The following TBC1D8 variants were observed in gnomAD, a reference collection of about 807,000 sequenced individuals.
TBC1D8 encodes TBC1 domain family member 8.
A neutral mutation model predicts 118.8 loss-of-function variants in TBC1D8; 65 were observed. The observed-to-expected ratio is 0.55, with a 90% confidence interval of 0.45 to 0.67. The LOEUF is 0.67. Among genes scored for constraint, TBC1D8 ranks in the 30% least tolerant of loss-of-function variants. TBC1D8 has a pLI of 0.00. For missense variants in TBC1D8, 1,376 were observed against 1,471.2 expected (o/e 0.94, Z 1.06); for synonymous variants, 566 against 595.8 (o/e 0.95, Z 0.73).
intron 1 of TBC1D8, among the ~76,000 whole-genome samples, chr2:101,113,137 A>C (rs1677680375): frequency 6.6e-6 from 1 of 152,196 alleles, no homozygotes; most frequent in Admixed American, 6.5e-5. Flanking sequence ...ATCTTTCCCA[A>C]AAACCTTCCC....
At chr2:101,008,603 T>G (rs972788632) in intron 19 of TBC1D8, among the ~76,000 whole-genome samples, 7 of 150,818 alleles carry the variant, frequency 4.6e-5, no homozygotes, top group Non-Finnish European at 7.4e-5. Flanking sequence ...TCACCTGAGG[T>G]TGGGAGTCAG....
At chr2:101,054,493 CG>C in intron 3 of TBC1D8, among the ~76,000 whole-genome samples, 157 bp from the exon 4 acceptor site, 1 of 151,154 alleles carries the variant, frequency 6.6e-6, no homozygotes, top group Middle Eastern at 3.4e-3. Flanking sequence ...ATGGCTCAGC[CG>C]TGTCATCCGT....
intron 12 of TBC1D8, among the ~76,000 whole-genome samples, chr2:101,028,728 T>C (rs1680499715): frequency 6.6e-6 from 1 of 152,270 alleles, no homozygotes; most frequent in South Asian, 2.1e-4. Flanking sequence ...GAGAACCCCC[T>C]CTTTCAATGT....
At chr2:101,074,072 C>T (rs766776317) in intron 2 of TBC1D8, among the ~76,000 whole-genome samples, 1 of 152,212 alleles carries the variant, frequency 6.6e-6, no homozygotes, top group Middle Eastern at 3.2e-3. Context: ...TTTTGATATG[C>T]CTTTCTCATT....
chr2:101,068,029 C>T (rs28693458), intron 2 of TBC1D8, among the ~76,000 whole-genome samples: 19,517 of 152,162 alleles, frequency 0.13, 1,417 homozygotes, highest in Non-Finnish European at 0.16. Flanking sequence ...ACTCCTCATT[C>T]GTTCAAGTTT....
At chr2:101,129,808 G>A (rs1250421675) in intron 1 of TBC1D8, among the ~76,000 whole-genome samples, 2 of 151,974 alleles carry the variant, frequency 1.3e-5, no homozygotes, top group African/African-American at 4.8e-5. Context: ...AGGAGACTGA[G>A]GCAGGAGAAT....
chr2:101,068,538 C>A (rs1683138809), intron 2 of TBC1D8: 2 of 522,748 alleles, frequency 3.8e-6, no homozygotes, highest in Non-Finnish European at 7.0e-6. Context: ...GTATGTAAAC[C>A]CAAACTTTTA....
intron 1 of TBC1D8, among the ~76,000 whole-genome samples, chr2:101,118,603 A>T (rs989104364): frequency 6.6e-6 from 1 of 151,036 alleles, no homozygotes; most frequent in Non-Finnish European, 1.5e-5. Context: ...AGGTTGAGGC[A>T]GGAGAATGGC....
chr2:101,027,379 G>T lies in TBC1D8; in HGVS notation c.2520+4C>A, dbSNP rs147475714. Reference sequence around the variant, plus strand: ...GAACCCCTCATCTTCCCAGAGCTGCGTACCTTGAATAAGTCGTAGAGCTCC... The same window carrying T: ...GAACCCCTCATCTTCCCAGAGCTGCTTACCTTGAATAAGTCGTAGAGCTCC... On this transcript the variant is annotated splice_donor_region_variant and intron_variant, in intron 15 of 19. Coordinates refer to ENST00000409318, the MANE Select transcript of TBC1D8 (RefSeq NM_001330348.2). 1 of 1,612,556 alleles carries T rather than the reference G, an allele frequency of 6.2e-7. No homozygotes were observed. The highest frequency in any genetic ancestry group is 8.5e-7 in the Non-Finnish European group (1 of 1,178,822).
intron 2 of TBC1D8, among the ~76,000 whole-genome samples, chr2:101,087,821 G>A (rs900887316): frequency 2.0e-5 from 3 of 152,086 alleles, no homozygotes; most frequent in Non-Finnish European, 2.9e-5. Context: ...AAGCAGGGAG[G>A]AGAATAAGAA....
Position 101,022,453 on chromosome 2 carries a change from C to G in TBC1D8, c.2589G>C (p.Arg863=). The change falls in exon 16 of 20, where the codon CGG becomes CGC. Residue 863 remains arginine (R), a synonymous_variant. Coordinates refer to ENST00000409318, the MANE Select transcript of TBC1D8 (RefSeq NM_001330348.2). ...RPMASRHDPS[R]PYAEQYRIDA... ...CTATGCGGTACTGCTCAGCATAGGG[C>G]CGGCTGGGGTCGTGGCGTGAGGCCA... 1.2e-6 allele frequency: 2 copies of G among 1,610,186 alleles called. No individual in the cohort carries two copies. The highest frequency in any genetic ancestry group is 4.5e-5 in the East Asian group (2 of 44,852).
At chr2:101,009,614 A>G (rs1679037378) in intron 19 of TBC1D8, among the ~76,000 whole-genome samples, 1 of 152,080 alleles carries the variant, frequency 6.6e-6, no homozygotes, top group African/African-American at 2.4e-5. Flanking sequence ...CATTTTGATC[A>G]TATATCCAGA....
chr2:101,048,740 T>TA (rs35930111), intron 5 of TBC1D8, among the ~76,000 whole-genome samples: 2,062 of 132,186 alleles, frequency 0.016, 39 homozygotes, highest in African/African-American at 0.059. Flanking sequence ...TAAGTCTTTT[T>TA]AAAAAAAAAA....
chr2:101,053,657 C>T (rs1682205795), intron 4 of TBC1D8, among the ~76,000 whole-genome samples: 1 of 152,164 alleles, frequency 6.6e-6, no homozygotes, highest in Non-Finnish European at 1.5e-5. Context: ...TGAATCAGTG[C>T]ATGAATCTCA....
chr2:101,072,687 T>C (rs1256565637), intron 2 of TBC1D8, among the ~76,000 whole-genome samples: 1 of 152,134 alleles, frequency 6.6e-6, no homozygotes, highest in Admixed American at 6.5e-5. Context: ...CACACTCCTA[T>C]GAGAGTCTAA....
At chr2:101,039,568 A>G (rs1681250613) in intron 6 of TBC1D8, among the ~76,000 whole-genome samples, 1 of 152,236 alleles carries the variant, frequency 6.6e-6, no homozygotes, top group South Asian at 2.1e-4. Context: ...TGTGGGTACC[A>G]TCTCACCAGA....
intron 2 of TBC1D8, among the ~76,000 whole-genome samples, chr2:101,086,262 C>A (rs1433347152): frequency 6.6e-6 from 1 of 151,166 alleles, no homozygotes; most frequent in Non-Finnish European, 1.5e-5. Flanking sequence ...ATGGAGAACA[C>A]AGATGAAAAA....
At position 101,148,739 on chromosome 2, in the gene TBC1D8, C is replaced by G. The variant is rs1679423261; in HGVS notation, c.127+2388G>C. Among the ~76,000 whole-genome samples, 3 of 152,122 alleles carry G rather than the reference C, an allele frequency of 2.0e-5. 1 individual carries two copies. In the South Asian group the frequency reaches 6.2e-4, roughly 32 times the overall value. On this transcript the variant is annotated intron_variant, in intron 1 of 19. Coordinates refer to ENST00000409318, the MANE Select transcript of TBC1D8 (RefSeq NM_001330348.2). ...TGCTCTCTTACATTTTACTTCCAATCCCCCTTAGGCCACCACTGCTTGCTT... is the reference window on the plus strand; with the variant it reads ...TGCTCTCTTACATTTTACTTCCAATGCCCCTTAGGCCACCACTGCTTGCTT...
rs963293754 is a variant in TBC1D8 at position 101,096,459 on chromosome 2, G to T, written c.128-6095C>A. 2.4e-5 allele frequency among the ~76,000 whole-genome samples: 3 copies of T among 125,018 alleles called. 1 individual carries two copies. The highest frequency in any genetic ancestry group is 5.0e-5 in the Non-Finnish European group (3 of 60,520). 82.0% of individuals were successfully genotyped at this position (125,018 alleles called of 152,430 possible). On this transcript the variant is annotated intron_variant, in intron 1 of 19. Transcript: ENST00000409318. ...AAAAAAAAAAAAAACTATAATGCAC[G>T]CTACAACAAAGTCTGAAGAGGTAAA...
Sources: allele counts gnomAD v4.1 joint callset (sites outside exome capture counted in the v4.1 genomes callset), GRCh38; gene constraint gnomAD v4.1.1; transcripts MANE v1.5; gene names NCBI Gene and HGNC (gene_info 2026-07-23, HGNC 2026-07-21).